Variants in CDH4 observed in about 807,000 individuals in gnomAD.
CDH4 encodes the protein cadherin-4.
Under a neutral mutation model 86.0 loss-of-function variants are expected in CDH4, and 33 were observed. That is an observed-to-expected ratio of 0.38 (90% CI 0.29 to 0.51). The LOEUF (loss-of-function observed/expected upper bound fraction) is 0.51. Ranked by LOEUF, CDH4 falls within the 20% of genes least tolerant of loss-of-function variation. The probability of loss-of-function intolerance (pLI) is 0.86; values close to 1 mark genes in which losing one functional copy is unlikely to be tolerated. For synonymous variants in CDH4, 555 were observed against 549.4 expected, an observed-to-expected ratio of 1.01 and a Z score of -0.14; for missense variants, 1,114 against 1,307.4, an observed-to-expected ratio of 0.85 and a Z score of 2.28.
At chr20:61,712,275 G>A (rs1568771020) in intron 2 of CDH4, among the ~76,000 whole-genome samples, 1 of 152,208 alleles carries the variant, frequency 6.6e-6, no homozygotes, top group Non-Finnish European at 1.5e-5. Flanking sequence ...TGGGAAGGAA[G>A]GGTCAGCCAT....
chr20:61,766,185 C>T (rs73915399), intron 3 of CDH4, among the ~76,000 whole-genome samples: 3,561 of 152,032 alleles, frequency 0.023, 145 homozygotes, highest in African/African-American at 0.082. Context: ...CCCTCCCCTC[C>T]CTACCCCACC....
At chr20:61,572,633 C>A (rs1372998152) in intron 2 of CDH4, among the ~76,000 whole-genome samples, 1 of 152,220 alleles carries the variant, frequency 6.6e-6, no homozygotes, top group Non-Finnish European at 1.5e-5. Flanking sequence ...CAGTCCTGAA[C>A]AAGGCCCCCA....
At chr20:61,682,776 G>GGT (rs1164125708) in intron 2 of CDH4, among the ~76,000 whole-genome samples, 9 of 152,148 alleles carry the variant, frequency 5.9e-5, no homozygotes, top group Admixed American at 1.3e-4. Context: ...GGAAGTCCAA[G>GGT]GTGATTCTAA....
At chr20:61,773,219 G>T (rs758149509) in intron 4 of CDH4, 37 bp downstream of exon 4, 1 of 1,487,956 alleles carries the variant, frequency 6.7e-7, no homozygotes, top group Non-Finnish European at 9.0e-7. Context: ...CGGGGGTCTC[G>T]GCGTTAGCAG....
chr20:61,547,987 G>C (rs1008175339), intron 2 of CDH4, among the ~76,000 whole-genome samples: 2 of 152,188 alleles, frequency 1.3e-5, no homozygotes, highest in Admixed American at 6.5e-5. Context: ...TTGGCCTTGA[G>C]GGGAGGGGGA....
At chr20:61,357,276 G>A (rs545321167) in intron 2 of CDH4, among the ~76,000 whole-genome samples, 3 of 152,256 alleles carry the variant, frequency 2.0e-5, no homozygotes, top group African/African-American at 7.2e-5. Context: ...CTTGGACATC[G>A]TGTGCCCCTC....
chr20:61,729,208 C>T (rs546081525), intron 2 of CDH4, among the ~76,000 whole-genome samples: 1 of 152,316 alleles, frequency 6.6e-6, no homozygotes, highest in East Asian at 1.9e-4. Flanking sequence ...CACTATTATT[C>T]TCTGCTCACT....
chr20:61,276,986 C>G (rs1209071128), intron 2 of CDH4, among the ~76,000 whole-genome samples: 3 of 152,192 alleles, frequency 2.0e-5, no homozygotes, highest in Admixed American at 6.5e-5. Context: ...TCCAAGTGCA[C>G]CATTCCAGGC....
At chr20:61,509,626 G>A (rs2085765746) in intron 2 of CDH4, among the ~76,000 whole-genome samples, 1 of 151,924 alleles carries the variant, frequency 6.6e-6, no homozygotes, top group Admixed American at 6.6e-5. Flanking sequence ...AGAGGTGCAT[G>A]CACAGCCGGC....
chr20:61,401,023 G>A (rs993335602), intron 2 of CDH4, among the ~76,000 whole-genome samples: 1 of 152,116 alleles, frequency 6.6e-6, no homozygotes, highest in African/African-American at 2.4e-5. Context: ...TTCACACCTG[G>A]CCCTCCAGAC....
chr20:61,292,714 T>C (rs2084329830), intron 2 of CDH4, among the ~76,000 whole-genome samples: 1 of 152,270 alleles, frequency 6.6e-6, no homozygotes, highest in Non-Finnish European at 1.5e-5. Context: ...ATGCGGAGAT[T>C]TCTTCCTAAC....
chr20:61,693,925 C>A (rs1384455426), intron 2 of CDH4, among the ~76,000 whole-genome samples: 1 of 117,788 alleles, frequency 8.5e-6, no homozygotes, highest in East Asian at 2.7e-4. Context: ...CAGAGTCTTG[C>A]TCTGTTGCCC....
intron 2 of CDH4, among the ~76,000 whole-genome samples, chr20:61,589,269 A>T (rs1273931944): frequency 6.6e-6 from 1 of 152,254 alleles, no homozygotes; most frequent in Non-Finnish European, 1.5e-5. Flanking sequence ...TGTTTAAAAA[A>T]CACGAGGCTT....
intron 15 of CDH4, among the ~76,000 whole-genome samples, chr20:61,934,524 A>AGTAGCAAGCACAGGCCT (rs1383035046): frequency 6.6e-6 from 1 of 152,246 alleles, no homozygotes; most frequent in Non-Finnish European, 1.5e-5. Flanking sequence ...CAGAGGCGCC[A>AGTAGCAAGCACAGGCCT]GTAGCAAGCA....
In CDH4 at chr20:61,350,069, C is replaced by T. The variant is rs536113273; in HGVS notation, c.169+95132C>T. On this transcript the variant is annotated intron_variant, in intron 2 of 15. Transcript: ENST00000614565. Reference sequence around the variant, plus strand: ...CCAGTGCCACAAGGCCAGCGGAATACCTCTGACCTTGCCTCTCCCACCCAG... The same window carrying T: ...CCAGTGCCACAAGGCCAGCGGAATATCTCTGACCTTGCCTCTCCCACCCAG... 2.0e-5 allele frequency among the ~76,000 whole-genome samples: 3 copies of T among 152,116 alleles called. No individual in the cohort carries two copies. The South Asian group carries it at 6.2e-4, about 32-fold the overall frequency.
chr20:61,497,916 A>G (rs569479254), intron 2 of CDH4, among the ~76,000 whole-genome samples: 17 of 152,140 alleles, frequency 1.1e-4, no homozygotes, highest in Admixed American at 8.5e-4. Flanking sequence ...AGGGACATGG[A>G]TGAAGCTGGA....
chr20:61,827,420 T>C (rs1273714443), intron 4 of CDH4, among the ~76,000 whole-genome samples: 1 of 152,240 alleles, frequency 6.6e-6, no homozygotes, highest in East Asian at 1.9e-4. Flanking sequence ...CTGTTGTTTG[T>C]GTCCTATGGA....
intron 2 of CDH4, among the ~76,000 whole-genome samples, chr20:61,650,403 T>C (rs1457424316): frequency 6.6e-6 from 1 of 152,254 alleles, no homozygotes; most frequent in Non-Finnish European, 1.5e-5. Context: ...CATGTTTGTC[T>C]TCTCTAATGG....
intron 2 of CDH4, among the ~76,000 whole-genome samples, chr20:61,287,782 C>T (rs915415966): frequency 1.3e-5 from 2 of 152,146 alleles, no homozygotes; most frequent in African/African-American, 2.4e-5. Flanking sequence ...GAGGCTTGTG[C>T]GTGAGTCCCG....
Sources: allele counts gnomAD v4.1 joint callset (sites outside exome capture counted in the v4.1 genomes callset), GRCh38; gene constraint gnomAD v4.1.1; transcripts MANE v1.5; gene names NCBI Gene and HGNC (gene_info 2026-07-23, HGNC 2026-07-21).